The following TBC1D15 variants were observed in gnomAD, a reference collection of about 807,000 sequenced individuals.
TBC1D15 encodes TBC1 domain family member 15, also known as GAP for RAB7.
In TBC1D15, 39 loss-of-function variants were observed where a neutral mutation model predicts 95.4. The observed-to-expected ratio is 0.41, with a 90% CI of 0.32 to 0.53. The LOEUF (loss-of-function observed/expected upper bound fraction) is 0.53. Among genes scored for constraint, TBC1D15 ranks in the 20% least tolerant of loss-of-function variants. TBC1D15 has a pLI of 0.29. For missense variants in TBC1D15, 733 were observed against 794.3 expected (o/e 0.92, Z 0.93); for synonymous variants, 258 against 261.3 (o/e 0.99, Z 0.12).
intron 1 of TBC1D15, chr12:71,854,432 G>A: frequency 7.5e-6 from 3 of 402,076 alleles, no homozygotes; most frequent in Non-Finnish European, 1.5e-5. Flanking sequence ...ATCGTAGGCT[G>A]AATGTTTGTG....
intron 1 of TBC1D15, among the ~76,000 whole-genome samples, chr12:71,846,696 T>A (rs1342560363): frequency 1.3e-5 from 2 of 151,978 alleles, no homozygotes; most frequent in East Asian, 3.9e-4. Flanking sequence ...TATTTATTTT[T>A]AATTAGGTTT....
At position 71,873,012 on chromosome 12, in the gene TBC1D15, G is replaced by GA. The variant is rs771377627; in HGVS notation, c.204+16dup. On this transcript the variant is annotated intron_variant, in intron 3 of 16. Transcript: ENST00000485960. ...TTCTCTATGCTAGAAAGGTATTTAAGAAAAAAATGTGTTACTAAGGGAATG... is the reference window on the plus strand; with the variant it reads ...TTCTCTATGCTAGAAAGGTATTTAAGAAAAAAAATGTGTTACTAAGGGAATG... 36 of 1,577,626 alleles carry GA rather than the reference G, an allele frequency of 2.3e-5. 1 individual carries two copies. The Admixed American group carries it at 3.5e-4, about 15-fold the overall frequency.
rs368118400 is a variant in TBC1D15, at chr12:71,861,169, T to C, written c.31-10901T>C. Among the ~76,000 whole-genome samples, 4 of 152,268 alleles carry C rather than the reference T, an allele frequency of 2.6e-5. 1 individual carries two copies. Among genetic ancestry groups the C allele is most frequent in the African/African-American group, 2.4e-5 (1 of 41,574 alleles). ...AGGGATATTGGCCTATGGTGTTCTT[T>C]TTTTGTTGTGTCTTTGTCTAGTTTT... On this transcript the variant is annotated intron_variant, in intron 1 of 16. Coordinates refer to ENST00000485960, the MANE Select transcript of TBC1D15 (RefSeq NM_001146213.3).
chr12:71,917,849 GAA>G, intron 13 of TBC1D15, 52 bp downstream of exon 13: 2 of 1,210,874 alleles, frequency 1.7e-6, no homozygotes, highest in South Asian at 2.6e-5. Flanking sequence ...GTAATGCATA[GAA>G]AAAAATGTAA....
At chr12:71,869,956 A>G (rs989311814) in intron 1 of TBC1D15, among the ~76,000 whole-genome samples, 2 of 152,210 alleles carry the variant, frequency 1.3e-5, no homozygotes, top group African/African-American at 2.4e-5. Flanking sequence ...TCCTGTTTCA[A>G]CCTTTTCTCA....
intron 13 of TBC1D15, 64 bp from the exon 14 acceptor site, chr12:71,918,381 GAAAAGT>G: frequency 9.9e-7 from 1 of 1,005,926 alleles, no homozygotes; most frequent in Non-Finnish European, 1.5e-6. Context: ...GAAAGTTAGA[GAAAAGT>G]AACTGTATTC....
chr12:71,865,527 G>A (rs567340970), intron 1 of TBC1D15, among the ~76,000 whole-genome samples: 2 of 152,202 alleles, frequency 1.3e-5, no homozygotes, highest in East Asian at 1.9e-4. Context: ...TCTGTGAGTC[G>A]AGGTGCAGTA....
intron 13 of TBC1D15, 21 bp from the exon 14 acceptor site, chr12:71,918,430 G>A (rs767045858): frequency 5.5e-6 from 8 of 1,465,618 alleles, no homozygotes; most frequent in East Asian, 2.3e-5. Flanking sequence ...AGTCATATGT[G>A]TGTTTTTTTC....
At chr12:71,906,966 T>A in intron 10 of TBC1D15, 56 bp from the exon 11 acceptor site, 1 of 1,139,454 alleles carries the variant, frequency 8.8e-7, no homozygotes, top group Admixed American at 2.1e-5. Flanking sequence ...GATGTGAGCT[T>A]TATCACAATC....
chr12:71,878,608 C>T (rs1319189306), intron 3 of TBC1D15, among the ~76,000 whole-genome samples: 5 of 151,602 alleles, frequency 3.3e-5, no homozygotes, highest in African/African-American at 4.8e-5. Flanking sequence ...CTCCGCCTCC[C>T]GAGTTCAAGC....
chr12:71,910,981 T>G (rs1203958389), intron 11 of TBC1D15, among the ~76,000 whole-genome samples: 2 of 152,116 alleles, frequency 1.3e-5, no homozygotes, highest in Non-Finnish European at 2.9e-5. Flanking sequence ...CAGACACTTC[T>G]CAAAAGAAGA....
At position 71,923,687 on chromosome 12, in the gene TBC1D15, T is replaced by C. The variant is rs996071086; in HGVS notation, c.*483T>C. On this transcript the variant is annotated 3_prime_UTR_variant, in exon 17 of 17. Coordinates refer to ENST00000485960, the MANE Select transcript of TBC1D15 (RefSeq NM_001146213.3). ...TTTACGACAGTACTCAGCTTAAATA[T>C]TTATGCTGGTCAAATGTGATTTAAA... 1.9e-5 allele frequency: 3 copies of C among 154,174 alleles called. No homozygotes were observed. The highest frequency in any genetic ancestry group is 7.2e-5 in the African/African-American group (3 of 41,474). The allele number at this position is 154,174 out of a possible 1,614,324, so 9.6% of individuals were successfully genotyped here.
At chr12:71,898,445 T>C (rs2138753993) in intron 10 of TBC1D15, among the ~76,000 whole-genome samples, 1 of 152,178 alleles carries the variant, frequency 6.6e-6, no homozygotes, top group South Asian at 2.1e-4. Flanking sequence ...GATATAAAAT[T>C]TAGTATTTGA....
chr12:71,856,315 C>A (rs1259980450), intron 1 of TBC1D15, among the ~76,000 whole-genome samples: 1 of 152,010 alleles, frequency 6.6e-6, no homozygotes, highest in African/African-American at 2.4e-5. Flanking sequence ...TTAGGCTATT[C>A]CGTTTTTACA....
intron 6 of TBC1D15, chr12:71,894,464 C>T: frequency 7.2e-7 from 1 of 1,383,590 alleles, no homozygotes. Context: ...GTAGCATTAA[C>T]TTGTCATTTA....
At chr12:71,852,649 A>G (rs1888112279) in intron 1 of TBC1D15, among the ~76,000 whole-genome samples, 1 of 152,190 alleles carries the variant, frequency 6.6e-6, no homozygotes, top group African/African-American at 2.4e-5. Flanking sequence ...AATTTCTTCC[A>G]CTGGATACCC....
At chr12:71,892,914 A>G (rs1044572547) in intron 5 of TBC1D15, among the ~76,000 whole-genome samples, 1 of 151,674 alleles carries the variant, frequency 6.6e-6, no homozygotes, top group African/African-American at 2.4e-5. Flanking sequence ...ATAATTCTAG[A>G]GAAGAATTTA....
intron 5 of TBC1D15, among the ~76,000 whole-genome samples, chr12:71,889,589 A>AAT (rs1896864723): frequency 6.6e-6 from 1 of 152,236 alleles, no homozygotes; most frequent in Non-Finnish European, 1.5e-5. Context: ...CCAGTATTTA[A>AAT]AAAGTCCCAA....
At chr12:71,862,018 T>C (rs558741125) in intron 1 of TBC1D15, among the ~76,000 whole-genome samples, 1 of 152,314 alleles carries the variant, frequency 6.6e-6, no homozygotes, top group Non-Finnish European at 1.5e-5. Context: ...TCTAGTTTTA[T>C]TTCATTAGGG....
Sources: gnomAD v4.1 joint callset for allele counts (sites outside exome capture counted in the v4.1 genomes callset) on GRCh38, gnomAD v4.1.1 for gene constraint, MANE v1.5 for transcripts, NCBI Gene and HGNC (gene_info 2026-07-23, HGNC 2026-07-21) for gene names.